The following NALF1 variants were observed in gnomAD, a reference collection of about 807,000 sequenced individuals.
NALF1 encodes NALCN channel auxiliary factor 1.
A neutral mutation model predicts 48.4 loss-of-function variants in NALF1; 3 were observed. That is an observed-to-expected ratio of 0.06 (90% confidence interval 0.03 to 0.16). NALF1 has a LOEUF of 0.16. NALF1 is among the 10% of genes least tolerant of loss of function. The pLI is 1.00. For synonymous variants in NALF1, 262 were observed against 245.7 expected, an observed-to-expected ratio of 1.07 and a Z score of -0.62; for missense variants, 526 against 571.5, an observed-to-expected ratio of 0.92 and a Z score of 0.81.
At chr13:107,658,554 T>G (rs1182921926) in intron 1 of NALF1, among the ~76,000 whole-genome samples, 1 of 152,174 alleles carries the variant, frequency 6.6e-6, no homozygotes, top group Non-Finnish European at 1.5e-5. Context: ...TGGTCCCTTT[T>G]TCTCAATCTC....
At chr13:107,809,202 T>C (rs555286137) in intron 1 of NALF1, among the ~76,000 whole-genome samples, 1 of 152,058 alleles carries the variant, frequency 6.6e-6, no homozygotes, top group Non-Finnish European at 1.5e-5. Flanking sequence ...CCCAATCCTA[T>C]GTTCACTTCT....
intron 1 of NALF1, among the ~76,000 whole-genome samples, chr13:107,404,988 T>C (rs574666212): frequency 1.3e-5 from 2 of 152,232 alleles, no homozygotes; most frequent in South Asian, 2.1e-4. Context: ...GCAGGGTAAC[T>C]TCTTTTGGAT....
intron 1 of NALF1, among the ~76,000 whole-genome samples, chr13:107,244,761 T>C (rs1050072768): frequency 1.3e-5 from 2 of 152,178 alleles, no homozygotes; most frequent in Non-Finnish European, 2.9e-5. Flanking sequence ...GAGAAACCAT[T>C]TTACACATTG....
At chr13:107,340,516 T>TTC (rs1204587483) in intron 1 of NALF1, among the ~76,000 whole-genome samples, 3 of 135,794 alleles carry the variant, frequency 2.2e-5, no homozygotes, top group African/African-American at 8.6e-5. Context: ...TTTTCTTTCT[T>TTC]TCTCTCTCTT....
Position 107,229,511 on chromosome 13 carries a change from C to T in NALF1, c.916-18756G>A, listed in dbSNP as rs143978153. 1.5e-3 allele frequency among the ~76,000 whole-genome samples: 224 copies of T among 152,218 alleles called. 1 individual carries two copies. The highest frequency in any genetic ancestry group is 2.5e-3 in the Non-Finnish European group (171 of 68,022). Reference sequence around the variant, plus strand: ...ATAACTGTTATTATGCATCAGGGGACGCCTTCGGCTCAGCTGCTAACCTTT... The same window carrying T: ...ATAACTGTTATTATGCATCAGGGGATGCCTTCGGCTCAGCTGCTAACCTTT... On this transcript the variant is annotated intron_variant, in intron 1 of 2. Coordinates refer to ENST00000375915, the MANE Select transcript of NALF1 (RefSeq NM_001080396.3).
intron 1 of NALF1, among the ~76,000 whole-genome samples, chr13:107,812,525 AC>A (rs1214332857): frequency 2.6e-5 from 4 of 152,166 alleles, no homozygotes; most frequent in Non-Finnish European, 5.9e-5. Context: ...AAAAATAGCT[AC>A]AAAGTTTGTA....
At chr13:107,699,215 C>T (rs1337141902) in intron 1 of NALF1, among the ~76,000 whole-genome samples, 1 of 151,848 alleles carries the variant, frequency 6.6e-6, no homozygotes, top group Non-Finnish European at 1.5e-5. Flanking sequence ...AATTTTTGTC[C>T]TCCTAACCCA....
intron 1 of NALF1, among the ~76,000 whole-genome samples, chr13:107,729,418 A>G (rs191844014): frequency 3.6e-4 from 54 of 151,270 alleles, no homozygotes; most frequent in African/African-American, 1.2e-3. Flanking sequence ...AGTGCCACTG[A>G]AAAAAAAATA....
chr13:107,348,789 TAG>T (rs1555333726), intron 1 of NALF1, among the ~76,000 whole-genome samples: 3 of 152,230 alleles, frequency 2.0e-5, no homozygotes, highest in Non-Finnish European at 4.4e-5. Flanking sequence ...ATATGTAGTA[TAG>T]TTTTATATCA....
intron 1 of NALF1, among the ~76,000 whole-genome samples, chr13:107,688,583 T>C (rs954306648): frequency 3.3e-5 from 5 of 151,934 alleles, no homozygotes; most frequent in Admixed American, 2.6e-4. Flanking sequence ...AAAAAAAGGG[T>C]GAGGAATGAA....
At chr13:107,538,913 TAATA>T (rs1178986398) in intron 1 of NALF1, among the ~76,000 whole-genome samples, 2 of 152,142 alleles carry the variant, frequency 1.3e-5, no homozygotes, top group African/African-American at 2.4e-5. Flanking sequence ...AGAAATTACT[TAATA>T]AATAGTACCC....
intron 1 of NALF1, among the ~76,000 whole-genome samples, chr13:107,861,668 C>T (rs923202114): frequency 3.3e-5 from 5 of 152,130 alleles, no homozygotes; most frequent in Admixed American, 1.3e-4. Context: ...CCTGTAGTCC[C>T]AGCTACGAGG....
intron 1 of NALF1, among the ~76,000 whole-genome samples, chr13:107,498,921 A>T (rs990557218): frequency 1.3e-5 from 2 of 152,166 alleles, no homozygotes; most frequent in Non-Finnish European, 2.9e-5. Context: ...TATATGTAGG[A>T]AGAGTAGTAG....
intron 1 of NALF1, among the ~76,000 whole-genome samples, chr13:107,700,574 T>C (rs1484676244): frequency 6.6e-6 from 1 of 151,974 alleles, no homozygotes; most frequent in African/African-American, 2.4e-5. Flanking sequence ...GCCTTGGCAA[T>C]GATTTCTAAG....
At chr13:107,265,730 G>A (rs1381790992) in intron 1 of NALF1, among the ~76,000 whole-genome samples, 8 of 151,930 alleles carry the variant, frequency 5.3e-5, no homozygotes, top group African/African-American at 1.9e-4. Flanking sequence ...TTTTTTAATG[G>A]AAACATATTT....
chr13:107,633,053 T>C (rs932093143), intron 1 of NALF1, among the ~76,000 whole-genome samples: 1 of 152,148 alleles, frequency 6.6e-6, no homozygotes, highest in African/African-American at 2.4e-5. Flanking sequence ...GGTCTGGTGA[T>C]CTTAAATTCA....
intron 1 of NALF1, among the ~76,000 whole-genome samples, chr13:107,214,687 G>A (rs184811571): frequency 1.3e-5 from 2 of 152,260 alleles, no homozygotes; most frequent in African/African-American, 2.4e-5. Context: ...CTTATTGACT[G>A]TCACAATCTT....
chr13:107,555,858 T>G (rs1057064268), intron 1 of NALF1, among the ~76,000 whole-genome samples: 3 of 152,134 alleles, frequency 2.0e-5, no homozygotes, highest in African/African-American at 2.4e-5. Context: ...CAAGCTTATA[T>G]GGTTATATAA....
intron 1 of NALF1, among the ~76,000 whole-genome samples, chr13:107,509,835 T>C (rs1418548317): frequency 6.6e-6 from 1 of 152,160 alleles, no homozygotes; most frequent in Non-Finnish European, 1.5e-5. Context: ...AGTTAGGGTT[T>C]CACTCTGTCA....
Sources: allele counts gnomAD v4.1 joint callset (sites outside exome capture counted in the v4.1 genomes callset), GRCh38; gene constraint gnomAD v4.1.1; transcripts MANE v1.5; gene names NCBI Gene and HGNC (gene_info 2026-07-23, HGNC 2026-07-21).